PPARD: variants seen among roughly 807,000 people sequenced by gnomAD.
PPARD encodes the protein peroxisome proliferator activated receptor delta.
PPARD carries 6 observed loss-of-function variants against 39.5 expected under a neutral mutation model. That is an observed-to-expected ratio of 0.15 (90% CI 0.08 to 0.30). PPARD has a LOEUF of 0.30. PPARD is among the 10% of genes least tolerant of loss of function. PPARD has a pLI of 1.00. For missense variants in PPARD, 397 were observed against 596.8 expected, an observed-to-expected ratio of 0.67 and a Z score of 3.49; for synonymous variants, 210 against 231.3, an observed-to-expected ratio of 0.91 and a Z score of 0.83.
intron 3 of PPARD, among the ~76,000 whole-genome samples, chr6:35,414,182 G>A (rs565812945): frequency 2.0e-5 from 3 of 152,134 alleles, no homozygotes; most frequent in Non-Finnish European, 4.4e-5. Context: ...TGGAGTCATT[G>A]AAAAGGATAA....
intron 2 of PPARD, among the ~76,000 whole-genome samples, chr6:35,383,573 C>T (rs1763286745): frequency 7.1e-6 from 1 of 141,576 alleles, no homozygotes; most frequent in Non-Finnish European, 1.5e-5. Context: ...GCCATCCCAT[C>T]TAGGAGGTGA....
intron 1 of PPARD, among the ~76,000 whole-genome samples, chr6:35,342,975 C>T (rs898795538): frequency 6.6e-6 from 1 of 151,862 alleles, no homozygotes; most frequent in East Asian, 2.0e-4. Flanking sequence ...CTACTCTTTG[C>T]CCCCTCTTGG....
chr6:35,383,541 T>C (rs1331540091), intron 2 of PPARD, among the ~76,000 whole-genome samples: 2 of 142,232 alleles, frequency 1.4e-5, no homozygotes, highest in Non-Finnish European at 3.0e-5. Flanking sequence ...GTCTGGGAGG[T>C]GAGGAGCGTC....
At chr6:35,364,944 T>C (rs1422978761) in intron 2 of PPARD, among the ~76,000 whole-genome samples, 16 of 150,904 alleles carry the variant, frequency 1.1e-4, no homozygotes, top group East Asian at 6.0e-4. Flanking sequence ...CTCCTGACCT[T>C]GTGATCCACC....
In PPARD at chr6:35,426,255, T is replaced by A; in HGVS notation, c.*176T>A. 1.3e-6 allele frequency: 1 copy of A among 764,362 alleles called. No homozygotes were observed. 47.3% of individuals were successfully genotyped at this position (764,362 alleles called of 1,614,324 possible). On this transcript the variant is annotated 3_prime_UTR_variant, in exon 8 of 8. Coordinates refer to ENST00000360694, the MANE Select transcript of PPARD (RefSeq NM_006238.5). ...TGGCTCCCTGTGCCCTCTCTCCCGC[T>A]TCCTCCAGCCAGCTCTCTTCCTGTC...
chr6:35,424,799 G>T lies in PPARD; in HGVS notation c.1078+20G>T, dbSNP rs767799861. On this transcript the variant is annotated intron_variant, in intron 7 of 7. Transcript: ENST00000360694. The surrounding 1 kb of genome is among the most constrained non-coding windows in gnomAD (Gnocchi z 7.1). ...GTGGAGGTGAGTGAGAGTGGGGCAG[G>T]TGGGCTGGCCTGGCACACCCAGTCG... is the stretch of plus-strand genomic sequence containing the variant. The T allele has an allele frequency of 6.2e-7, 1 of 1,608,568 alleles. No homozygotes were observed. The highest frequency in any genetic ancestry group is 8.5e-7 in the Non-Finnish European group (1 of 1,176,346).
chr6:35,369,128 A>T (rs1174454916), intron 2 of PPARD, among the ~76,000 whole-genome samples: 1 of 152,224 alleles, frequency 6.6e-6, no homozygotes, highest in Admixed American at 6.5e-5. Context: ...ATATTTGGAA[A>T]ATAAAGATAA....
Position 35,407,903 on chromosome 6 carries a change from C to T in PPARD, c.-101-3084C>T, listed in dbSNP as rs1765162535. On this transcript the variant is annotated intron_variant, in intron 2 of 7. Coordinates refer to ENST00000360694, the MANE Select transcript of PPARD (RefSeq NM_006238.5). ...GTGGCCAACTTCCACCCCAGAACCC[C>T]ACTCTACTCTTGAGCTAAGTGTCTT... 3.3e-5 allele frequency among the ~76,000 whole-genome samples: 5 copies of T among 152,094 alleles called. No homozygotes were observed. In the South Asian group the frequency reaches 1.0e-3, roughly 32 times the overall value.
At position 35,424,801 on chromosome 6, in the gene PPARD, G is replaced by GGGCT. The variant is rs1174340412; in HGVS notation, c.1078+26_1078+29dup. Reference sequence around the variant, plus strand: ...GGAGGTGAGTGAGAGTGGGGCAGGTGGGCTGGCCTGGCACACCCAGTCGTC... The same window carrying GGGCT: ...GGAGGTGAGTGAGAGTGGGGCAGGTGGGCTGGCTGGCCTGGCACACCCAGTCGTC... On this transcript the variant is annotated intron_variant, in intron 7 of 7. Transcript: ENST00000360694. The surrounding 1 kb of genome is among the most constrained non-coding windows in gnomAD (Gnocchi z 7.1). 9.3e-6 allele frequency: 15 copies of GGGCT among 1,607,048 alleles called. No homozygotes were observed. Among genetic ancestry groups the GGGCT allele is most frequent in the Non-Finnish European group, 1.3e-5 (15 of 1,175,566 alleles).
At chr6:35,344,850 C>G (rs569572549) in intron 1 of PPARD, among the ~76,000 whole-genome samples, 2 of 152,318 alleles carry the variant, frequency 1.3e-5, no homozygotes, top group African/African-American at 4.8e-5. Flanking sequence ...GAGCCAGTCC[C>G]TTCTCCACTG....
intron 2 of PPARD, chr6:35,397,486 C>A: frequency 2.1e-6 from 2 of 968,094 alleles, no homozygotes; most frequent in Non-Finnish European, 2.5e-6. Flanking sequence ...TTGATAAGCT[C>A]CTCCTTTGAA....
At chr6:35,362,862 C>T (rs1423100270) in intron 2 of PPARD, among the ~76,000 whole-genome samples, 2 of 152,242 alleles carry the variant, frequency 1.3e-5, no homozygotes, top group African/African-American at 4.8e-5. Context: ...CATGATCTTT[C>T]CAGAGATTCT....
At chr6:35,395,980 C>T (rs9658108) in intron 2 of PPARD, among the ~76,000 whole-genome samples, 3 of 152,088 alleles carry the variant, frequency 2.0e-5, no homozygotes, top group African/African-American at 7.3e-5. Flanking sequence ...TTGATTCACA[C>T]GGAAGCTGGG....
In PPARD at chr6:35,353,347, C is replaced by G. The variant is rs142373542; in HGVS notation, c.-102+6197C>G. Reference sequence around the variant, plus strand: ...TTCTTCACATTAAATCTGAGTTCCTCTGGTTGCAATTTAAGTGTATTGATT... The same window carrying G: ...TTCTTCACATTAAATCTGAGTTCCTGTGGTTGCAATTTAAGTGTATTGATT... On this transcript the variant is annotated intron_variant, in intron 2 of 7. Transcript: ENST00000360694. 4.1e-3 allele frequency among the ~76,000 whole-genome samples: 630 copies of G among 152,286 alleles called. 2 individuals are homozygous for G. Among genetic ancestry groups the G allele is most frequent in the African/African-American group, 0.013 (541 of 41,548 alleles).
chr6:35,422,185 G>A (rs145079167), intron 5 of PPARD, among the ~76,000 whole-genome samples: 332 of 152,322 alleles, frequency 2.2e-3, no homozygotes, highest in African/African-American at 7.1e-3. Context: ...GGTCCCAGGC[G>A]TGGGGTAGTG....
At chr6:35,346,924 A>G (rs1337908686) in intron 1 of PPARD, 143 bp from the exon 2 acceptor site, 1 of 556,140 alleles carries the variant, frequency 1.8e-6, no homozygotes, top group Non-Finnish European at 3.2e-6. Flanking sequence ...ATCACATCTC[A>G]GGGTGGTGTG....
At position 35,353,610 on chromosome 6, in the gene PPARD, C is replaced by T. The variant is rs189313717; in HGVS notation, c.-102+6460C>T. ...AACACCACTAACCATGTTTCAAATACGCTTCAGTTTCAGTATTATAGAAGC... is the reference window on the plus strand; with the variant it reads ...AACACCACTAACCATGTTTCAAATATGCTTCAGTTTCAGTATTATAGAAGC... On this transcript the variant is annotated intron_variant, in intron 2 of 7. Transcript: ENST00000360694. Among the ~76,000 whole-genome samples the T allele has an allele frequency of 4.6e-5, 7 of 152,262 alleles. No homozygotes were observed. The South Asian group carries it at 6.2e-4, about 14-fold the overall frequency.
intron 2 of PPARD, among the ~76,000 whole-genome samples, chr6:35,385,396 G>T (rs1213811959): frequency 1.3e-5 from 2 of 150,006 alleles, no homozygotes; most frequent in Non-Finnish European, 3.0e-5. Flanking sequence ...ATTAAGGGCG[G>T]TGCAAGATGT....
At chr6:35,381,845 C>T (rs1168846834) in intron 2 of PPARD, among the ~76,000 whole-genome samples, 3 of 152,166 alleles carry the variant, frequency 2.0e-5, no homozygotes, top group Admixed American at 6.5e-5. Context: ...TTAGCACCTA[C>T]AATCTACTAG....
Sources: gnomAD v4.1 joint callset for allele counts (sites outside exome capture counted in the v4.1 genomes callset) on GRCh38, gnomAD v4.1.1 for gene constraint, Gnocchi (gnomAD v3.1) non-coding constraint, MANE v1.5 for transcripts, NCBI Gene and HGNC (gene_info 2026-07-23, HGNC 2026-07-21) for gene names.